PID1: variants seen among roughly 807,000 people sequenced by gnomAD.
PID1 encodes PTB-containing, cubilin and LRP1-interacting protein.
In PID1, 10 loss-of-function variants were observed where a neutral mutation model predicts 19.1. The observed-to-expected ratio is 0.52, with a 90% CI of 0.32 to 0.89. The LOEUF is 0.89. Among genes scored for constraint, PID1 ranks in the 40% least tolerant of loss-of-function variants. PID1 has a pLI of 0.03. For missense variants in PID1, 248 were observed against 285.3 expected, an observed-to-expected ratio of 0.87 and a Z score of 0.94; for synonymous variants, 130 against 116.0, an observed-to-expected ratio of 1.12 and a Z score of -0.78.
At chr2:229,206,740 T>C (rs916667446) in intron 1 of PID1, among the ~76,000 whole-genome samples, 3 of 152,228 alleles carry the variant, frequency 2.0e-5, no homozygotes, top group African/African-American at 4.8e-5. Context: ...CCAAGGCTCA[T>C]GCTCTGTCAA....
At chr2:229,259,491 A>C (rs775660923) in intron 1 of PID1, among the ~76,000 whole-genome samples, 36 of 152,220 alleles carry the variant, frequency 2.4e-4, no homozygotes, top group Non-Finnish European at 4.3e-4. Context: ...TAATGTTTAC[A>C]CAGATACACA....
chr2:229,246,284 T>C (rs772991636), intron 1 of PID1, among the ~76,000 whole-genome samples: 1 of 152,182 alleles, frequency 6.6e-6, no homozygotes, highest in Non-Finnish European at 1.5e-5. Flanking sequence ...ATTCAGGTCA[T>C]GAAATAACAT....
chr2:229,068,680 G>T (rs1694383260), intron 2 of PID1, among the ~76,000 whole-genome samples: 1 of 152,186 alleles, frequency 6.6e-6, no homozygotes, highest in African/African-American at 2.4e-5. Context: ...TCCACATGTT[G>T]TCAGCATGGA....
intron 1 of PID1, among the ~76,000 whole-genome samples, chr2:229,161,622 A>G (rs556961403): frequency 1.3e-5 from 2 of 152,358 alleles, no homozygotes; most frequent in Non-Finnish European, 2.9e-5. Flanking sequence ...TTATTTGAAT[A>G]GACTAAACCT....
At chr2:229,091,631 C>T (rs1574621417) in intron 2 of PID1, among the ~76,000 whole-genome samples, 1 of 152,250 alleles carries the variant, frequency 6.6e-6, no homozygotes, top group African/African-American at 2.4e-5. Flanking sequence ...AGGAAGCAGG[C>T]TCTCACCAGC....
intron 1 of PID1, among the ~76,000 whole-genome samples, chr2:229,217,465 C>T (rs1691871974): frequency 6.6e-6 from 1 of 152,148 alleles, no homozygotes; most frequent in African/African-American, 2.4e-5. Flanking sequence ...TCATTAATCT[C>T]ACTTGGGATC....
At chr2:229,088,653 T>C (rs1694813827) in intron 2 of PID1, among the ~76,000 whole-genome samples, 1 of 152,096 alleles carries the variant, frequency 6.6e-6, no homozygotes, top group African/African-American at 2.4e-5. Context: ...AGTGGCAAGA[T>C]ACACAGCAAT....
intron 2 of PID1, among the ~76,000 whole-genome samples, chr2:229,121,057 C>A (rs973476166): frequency 5.3e-4 from 81 of 152,216 alleles, no homozygotes; most frequent in African/African-American, 1.9e-3. Context: ...GCTAAATAAA[C>A]CTCTTATTTA....
intron 1 of PID1, among the ~76,000 whole-genome samples, chr2:229,174,969 C>T (rs764361865): frequency 1.3e-5 from 2 of 152,108 alleles, no homozygotes; most frequent in Non-Finnish European, 2.9e-5. Context: ...TGGCATCCAG[C>T]CATGCTGTGA....
chr2:229,265,592 A>G (rs1313022185), intron 1 of PID1, among the ~76,000 whole-genome samples: 2 of 152,222 alleles, frequency 1.3e-5, no homozygotes, highest in East Asian at 3.8e-4. Flanking sequence ...TGCTCTACTT[A>G]TATAAAGCCT....
intron 1 of PID1, among the ~76,000 whole-genome samples, chr2:229,231,598 T>C (rs965771988): frequency 5.9e-5 from 9 of 152,094 alleles, no homozygotes; most frequent in African/African-American, 2.2e-4. Flanking sequence ...CTGTCCAAGA[T>C]CACTCCACTG....
At chr2:229,222,179 C>A (rs1162579707) in intron 1 of PID1, among the ~76,000 whole-genome samples, 1 of 152,176 alleles carries the variant, frequency 6.6e-6, no homozygotes, top group Non-Finnish European at 1.5e-5. Context: ...CCTCTAACTT[C>A]TATTCAACCT....
intron 1 of PID1, among the ~76,000 whole-genome samples, chr2:229,176,168 A>AAAC (rs1690818926): frequency 2.0e-5 from 3 of 151,812 alleles, no homozygotes; most frequent in East Asian, 1.9e-4. Context: ...TTAAAAAAAA[A>AAAC]AAAACAAAAC....
intron 1 of PID1, among the ~76,000 whole-genome samples, chr2:229,171,124 CAT>C (rs1690704363): frequency 6.6e-6 from 1 of 152,212 alleles, no homozygotes; most frequent in Non-Finnish European, 1.5e-5. Context: ...ATAGCACGTA[CAT>C]GTTATAAACA....
chr2:229,108,339 C>T (rs907030867), intron 2 of PID1, among the ~76,000 whole-genome samples: 1 of 152,158 alleles, frequency 6.6e-6, no homozygotes, highest in African/African-American at 2.4e-5. Context: ...TCACTACGCA[C>T]CCTGTAACTA....
At chr2:229,222,300 C>G (rs1691987522) in intron 1 of PID1, among the ~76,000 whole-genome samples, 1 of 152,168 alleles carries the variant, frequency 6.6e-6, no homozygotes, top group Non-Finnish European at 1.5e-5. Context: ...ATAACCTCCC[C>G]ATCCTGTTAT....
At chr2:229,058,920 G>C (rs928855550) in intron 2 of PID1, among the ~76,000 whole-genome samples, 1 of 152,124 alleles carries the variant, frequency 6.6e-6, no homozygotes, top group African/African-American at 2.4e-5. Context: ...AGAAAAGTGT[G>C]ATAATACTTC....
At position 229,158,596 on chromosome 2, in the gene PID1, C is replaced by T. The variant is rs547155607; in HGVS notation, c.31-2632G>A. ...AGGTAACATCATTTTAAAAAACAAA[C>T]CACAAATATTAAAAAAAAAAAGAAA... On this transcript the variant is annotated intron_variant, in intron 1 of 2. Coordinates refer to ENST00000392055, the MANE Select transcript of PID1 (RefSeq NM_001100818.2). Among the ~76,000 whole-genome samples, 7 of 151,486 alleles carry T rather than the reference C, an allele frequency of 4.6e-5. No homozygotes were observed. In the South Asian group the frequency reaches 1.5e-3, roughly 32 times the overall value.
intron 1 of PID1, among the ~76,000 whole-genome samples, chr2:229,262,404 T>C (rs1690482558): frequency 6.6e-6 from 1 of 152,118 alleles, no homozygotes; most frequent in Non-Finnish European, 1.5e-5. Flanking sequence ...CAGAAGGAAA[T>C]AAAGGAGAAA....
Sources: gnomAD v4.1 joint callset for allele counts (sites outside exome capture counted in the v4.1 genomes callset) on GRCh38, gnomAD v4.1.1 for gene constraint, MANE v1.5 for transcripts, NCBI Gene and HGNC (gene_info 2026-07-23, HGNC 2026-07-21) for gene names.